Variants in ATP10D observed in about 807,000 individuals in gnomAD.
ATP10D encodes the protein ATPase phospholipid transporting 10D (putative), also known as phospholipid-transporting ATPase VD.
ATP10D carries 89 observed loss-of-function variants against 144.8 expected under a neutral mutation model. The ratio of observed to expected loss-of-function variants is 0.61; its 90% confidence interval spans 0.52 to 0.73. ATP10D has a LOEUF of 0.73. Ranked by LOEUF, ATP10D falls within the 30% of genes least tolerant of loss-of-function variation. The pLI, the probability that ATP10D is intolerant of heterozygous loss-of-function variation, is 0.00. For missense variants in ATP10D, 1,603 were observed against 1,714.8 expected (o/e 0.93, Z 1.15); for synonymous variants, 571 against 615.1 (o/e 0.93, Z 1.06).
chr4:47,557,010 A>C (rs1719021831), intron 11 of ATP10D: 1 of 152,194 alleles, frequency 6.6e-6, no homozygotes, highest in Non-Finnish European at 1.5e-5. Context: ...GAATCTGGAA[A>C]ATAAAAGAGA....
intron 20 of ATP10D, 45 bp downstream of exon 20, chr4:47,580,523 G>A: frequency 1.3e-6 from 2 of 1,536,848 alleles, no homozygotes; most frequent in Non-Finnish European, 1.8e-6. Context: ...ATGAATCAAT[G>A]ATGCTTCTTT....
rs1359813790 is a variant in ATP10D, at chr4:47,587,043, A to G, written c.3778A>G (p.Ile1260Val). The change falls in exon 22 of 23, where the codon ATT (isoleucine) becomes GTT (valine). Residue 1260 changes from isoleucine to valine, a missense_variant. Ile to Val is a conservative substitution (Grantham distance 29). Coordinates refer to ENST00000273859, the MANE Select transcript of ATP10D (RefSeq NM_020453.4). ...SLTWIHLLVI[I>V]GSILSYFLFA... ...GACTTGGATTCACTTGCTGGTCATC[A>G]TTGGTAGCATCTTGTCTTATTTTTT... is the stretch of plus-strand genomic sequence containing the variant. 1 of 1,613,920 alleles carries G rather than the reference A, an allele frequency of 6.2e-7. No homozygotes were observed. Among genetic ancestry groups the G allele is most frequent in the East Asian group, 2.2e-5 (1 of 44,870 alleles).
chr4:47,489,140 G>T (rs1218116529), intron 1 of ATP10D, among the ~76,000 whole-genome samples: 1 of 152,094 alleles, frequency 6.6e-6, no homozygotes, highest in African/African-American at 2.4e-5. Context: ...ATTCGCAAAA[G>T]ACAAAAAATT....
rs564706750 is a variant in ATP10D, at chr4:47,522,929, C to T, written c.486-83C>T. Reference sequence around the variant, plus strand: ...TACTTAATATATACTTTAAATTATACGCTAAAAAATTTTTTAAAAAAAACA... The same window carrying T: ...TACTTAATATATACTTTAAATTATATGCTAAAAAATTTTTTAAAAAAAACA... On this transcript the variant is annotated intron_variant, in intron 3 of 22. Transcript: ENST00000273859. The T allele has an allele frequency of 1.2e-4, 138 of 1,130,570 alleles. 1 individual carries two copies. The highest frequency in any genetic ancestry group is 1.0e-3 in the African/African-American group (65 of 62,836). The allele number at this position is 1,130,570 out of a possible 1,614,324, so 70.0% of individuals were successfully genotyped here.
At chr4:47,539,749 CAAT>C (rs1198836645) in intron 9 of ATP10D, among the ~76,000 whole-genome samples, 1 of 152,166 alleles carries the variant, frequency 6.6e-6, no homozygotes, top group African/African-American at 2.4e-5. Context: ...CTTGCAGCAA[CAAT>C]GTTTCATAAA....
At chr4:47,527,888 C>A (rs1310329120) in intron 5 of ATP10D, among the ~76,000 whole-genome samples, 1 of 152,120 alleles carries the variant, frequency 6.6e-6, no homozygotes, top group South Asian at 2.1e-4. Context: ...CACTCCTAGA[C>A]AATTACCCAA....
chr4:47,586,952 T>A lies in ATP10D; in HGVS notation c.3754-67T>A. 7 of 1,443,138 alleles carry A rather than the reference T, an allele frequency of 4.9e-6. No individual in the cohort carries two copies. In the South Asian group the frequency reaches 8.6e-5, roughly 18 times the overall value. The allele number at this position is 1,443,138 out of a possible 1,614,324, so 89.4% of individuals were successfully genotyped here. Reference sequence around the variant, plus strand: ...TGTGTTGTCTCTTTAATGGAGCAGATTTGTCCGGGTGGCAATACTGTATCA... The same window carrying A: ...TGTGTTGTCTCTTTAATGGAGCAGAATTGTCCGGGTGGCAATACTGTATCA... On this transcript the variant is annotated intron_variant, in intron 21 of 22. Coordinates refer to ENST00000273859, the MANE Select transcript of ATP10D (RefSeq NM_020453.4).
intron 21 of ATP10D, among the ~76,000 whole-genome samples, chr4:47,586,714 A>G (rs1044561770): frequency 1.3e-5 from 2 of 152,220 alleles, no homozygotes; most frequent in African/African-American, 4.8e-5. Flanking sequence ...GAGTGACTAC[A>G]TGAAAAAAAT....
chr4:47,506,542 A>G (rs767534882), intron 1 of ATP10D, among the ~76,000 whole-genome samples: 37 of 152,242 alleles, frequency 2.4e-4, no homozygotes, highest in Non-Finnish European at 4.9e-4. Flanking sequence ...GGCCTGCTTT[A>G]CAGAAGCACT....
Position 47,496,882 on chromosome 4 carries a change from C to T in ATP10D, c.-38+11363C>T, listed in dbSNP as rs148473550. Among the ~76,000 whole-genome samples, 897 of 152,118 alleles carry T rather than the reference C, an allele frequency of 5.9e-3. 9 individuals carry two copies. Among genetic ancestry groups the T allele is most frequent in the African/African-American group, 0.02 (838 of 41,522 alleles). ...TTTGAGACTGAGTTTCACTCTACTGCCCAGGCTGGAGTGCAGTGGTGTGAT... is the reference window on the plus strand; with the variant it reads ...TTTGAGACTGAGTTTCACTCTACTGTCCAGGCTGGAGTGCAGTGGTGTGAT... On this transcript the variant is annotated intron_variant, in intron 1 of 22. Coordinates refer to ENST00000273859, the MANE Select transcript of ATP10D (RefSeq NM_020453.4).
chr4:47,520,000 C>G lies in ATP10D; in HGVS notation c.486-3012C>G, dbSNP rs569633313. ...TGTTTTGTTTAAATCTTGGTACATG[C>G]TACAAATGGGGAAAAATGAAGTGAA... On this transcript the variant is annotated intron_variant, in intron 3 of 22. Coordinates refer to ENST00000273859, the MANE Select transcript of ATP10D (RefSeq NM_020453.4). Among the ~76,000 whole-genome samples the G allele has an allele frequency of 2.0e-5, 3 of 152,236 alleles. No individual in the cohort carries two copies. The East Asian group carries it at 5.8e-4, about 29-fold the overall frequency.
At chr4:47,530,182 T>C (rs985972398) in intron 5 of ATP10D, among the ~76,000 whole-genome samples, 1 of 152,168 alleles carries the variant, frequency 6.6e-6, no homozygotes, top group Non-Finnish European at 1.5e-5. Context: ...CCAAGTACTA[T>C]GTTGAACAAA....
intron 1 of ATP10D, among the ~76,000 whole-genome samples, chr4:47,486,319 T>C (rs993572869): frequency 1.3e-5 from 2 of 152,242 alleles, no homozygotes; most frequent in Non-Finnish European, 2.9e-5. Flanking sequence ...AGCTCAGGTT[T>C]TTAAAATGTG....
chr4:47,546,734 A>G lies in ATP10D; in HGVS notation c.1507A>G (p.Thr503Ala), dbSNP rs1376252114. The G allele has an allele frequency of 2.5e-6, 4 of 1,614,020 alleles. No individual in the cohort carries two copies. Among genetic ancestry groups the G allele is most frequent in the Middle Eastern group, 3.3e-4 (2 of 6,074 alleles). The change falls in exon 10 of 23, where the codon ACA (threonine) becomes GCA (alanine). Residue 503 changes from threonine (T) to alanine (A), a missense_variant. Physicochemically the swap from Thr to Ala is moderately conservative, Grantham distance 58 (BLOSUM62 0). Transcript: ENST00000273859. The stretch of plus-strand genomic sequence containing the variant: ...AAAACCGAGAGCCCCCAGCTGCAGG[A>G]CAGTTCATAATGGGCCTTTGGGAAA... ...MAKPRAPSCR[T>A]VHNGPLGNKP...
In ATP10D at chr4:47,546,819, G is replaced by C. The variant is rs777944967; in HGVS notation, c.1592G>C (p.Ser531Thr). 6.2e-7 allele frequency: 1 copy of C among 1,613,368 alleles called. No individual in the cohort carries two copies. Among genetic ancestry groups the C allele is most frequent in the East Asian group, 2.2e-5 (1 of 44,884 alleles). Residue 531 changes from serine (S) to threonine (T), a missense_variant, in exon 10 of 23, where the codon AGT (serine) becomes ACT (threonine). Transcript: ENST00000273859. Reference sequence around the variant, plus strand: ...ACTCTAGGAAGTGGAGAAGGAGCCAGTGAAGTGCCTCATTCCAGACAGGCT... The same window carrying C: ...ACTCTAGGAAGTGGAGAAGGAGCCACTGAAGTGCCTCATTCCAGACAGGCT... ...SFTLGSGEGA[S>T]EVPHSRQAAF...
At chr4:47,528,249 C>G (rs1012973261) in intron 5 of ATP10D, among the ~76,000 whole-genome samples, 2 of 151,956 alleles carry the variant, frequency 1.3e-5, no homozygotes, top group Non-Finnish European at 2.9e-5. Context: ...GCCCCTCCCA[C>G]CCTCCTTTCT....
intron 11 of ATP10D, among the ~76,000 whole-genome samples, chr4:47,555,674 G>A (rs1718948333): frequency 6.6e-6 from 1 of 152,062 alleles, no homozygotes; most frequent in Admixed American, 6.6e-5. Flanking sequence ...TGAGACTTCT[G>A]AGACCTCCAA....
chr4:47,535,938 C>CA lies in ATP10D; in HGVS notation c.921dup (p.Arg308ThrfsTer3). On this transcript the variant is annotated frameshift_variant, in exon 7 of 23. Transcript: ENST00000273859. LOFTEE classifies it high-confidence loss of function. Reference sequence around the variant, plus strand: ...AAAGCAATGCTGAACAACAGTGGGCCACGGTATAAGCGCAGCAAATTAGAA... The same window carrying CA: ...AAAGCAATGCTGAACAACAGTGGGCCAACGGTATAAGCGCAGCAAATTAGAA... The CA allele has an allele frequency of 6.2e-7, 1 of 1,612,874 alleles. No homozygotes were observed. The highest frequency in any genetic ancestry group is 8.5e-7 in the Non-Finnish European group (1 of 1,179,234).
At chr4:47,516,699 CTTTA>C (rs976159181) in intron 3 of ATP10D, among the ~76,000 whole-genome samples, 4 of 152,140 alleles carry the variant, frequency 2.6e-5, no homozygotes, top group Non-Finnish European at 5.9e-5. Context: ...AGGAAAAGAA[CTTTA>C]TTTATCTTTT....
Sources: allele counts gnomAD v4.1 joint callset (sites outside exome capture counted in the v4.1 genomes callset), GRCh38; gene constraint gnomAD v4.1.1; transcripts MANE v1.5; gene names NCBI Gene and HGNC (gene_info 2026-07-23, HGNC 2026-07-21).